The following C16orf74 variants were observed in gnomAD, a reference collection of about 807,000 sequenced individuals.
C16orf74 encodes uncharacterized protein C16orf74.
C16orf74 carries 10 observed loss-of-function variants against 6.5 expected under a neutral mutation model. The observed-to-expected ratio is 1.54, with a 90% CI of 0.95 to 2.61. C16orf74 has a LOEUF of 2.61. Among genes scored for constraint, C16orf74 ranks in the 30% most tolerant of loss-of-function variants. The pLI, the probability that C16orf74 is intolerant of heterozygous loss-of-function variation, is 0.00. For missense variants in C16orf74, 141 were observed against 105.9 expected (o/e 1.33, Z -1.45); for synonymous variants, 60 against 42.5 (o/e 1.41, Z -1.60).
chr16:85,739,619 C>A (rs399955), intron 1 of C16orf74, among the ~76,000 whole-genome samples: 2 of 151,388 alleles, frequency 1.3e-5, no homozygotes, highest in African/African-American at 4.9e-5. Flanking sequence ...GGCAACATGG[C>A]GAAACCCCAT....
chr16:85,742,494 C>T (rs55884883), intron 1 of C16orf74, among the ~76,000 whole-genome samples: 27,470 of 152,166 alleles, frequency 0.18, 2,817 homozygotes, highest in Middle Eastern at 0.29. Context: ...AGGCCCTCAC[C>T]ATCCTGGCGC....
intron 2 of C16orf74, among the ~76,000 whole-genome samples, chr16:85,714,087 C>G (rs1187941658): frequency 6.6e-6 from 1 of 152,192 alleles, no homozygotes; most frequent in Non-Finnish European, 1.5e-5. Flanking sequence ...GCCCCCGCCC[C>G]ACTTCTGTTA....
intron 2 of C16orf74, among the ~76,000 whole-genome samples, chr16:85,733,461 GA>G (rs199599006): frequency 1.1e-3 from 170 of 152,328 alleles, no homozygotes; most frequent in African/African-American, 3.9e-3. Flanking sequence ...CCTTCATTCT[GA>G]AGACGGGTGG....
chr16:85,739,068 G>A (rs542606201), intron 1 of C16orf74, among the ~76,000 whole-genome samples: 1 of 152,190 alleles, frequency 6.6e-6, no homozygotes, highest in Non-Finnish European at 1.5e-5. Context: ...GGGGAGGGCG[G>A]AGCAGACCTC....
At chr16:85,733,203 T>G (rs2054208989) in intron 2 of C16orf74, among the ~76,000 whole-genome samples, 1 of 152,190 alleles carries the variant, frequency 6.6e-6, no homozygotes, top group Non-Finnish European at 1.5e-5. Context: ...GTCCACATGG[T>G]GGAATATTAT....
chr16:85,729,381 C>A (rs9928768), intron 2 of C16orf74, among the ~76,000 whole-genome samples: 5,546 of 152,342 alleles, frequency 0.036, 254 homozygotes, highest in Admixed American at 0.15. Context: ...AGGGACTCTG[C>A]AGCCCCTTTC....
chr16:85,735,044 A>T, intron 2 of C16orf74, 146 bp downstream of exon 2: 1 of 525,430 alleles, frequency 1.9e-6, no homozygotes. Context: ...GCATTTTTAG[A>T]GCACCTGCTG....
intron 1 of C16orf74, among the ~76,000 whole-genome samples, chr16:85,735,756 C>CA (rs397751905): frequency 5.9e-5 from 9 of 151,874 alleles, no homozygotes; most frequent in Non-Finnish European, 1.0e-4. Flanking sequence ...TGTGGCCCCC[C>CA]CAGCCCACGG....
intron 1 of C16orf74, among the ~76,000 whole-genome samples, chr16:85,740,690 TCAAA>T (rs2054296039): frequency 5.0e-5 from 1 of 20,160 alleles, no homozygotes. Flanking sequence ...AGACTCTGTT[TCAAA>T]AAAAAAAAAA....
intron 2 of C16orf74, among the ~76,000 whole-genome samples, chr16:85,715,312 G>A (rs1057046581): frequency 1.3e-3 from 205 of 152,270 alleles, no homozygotes; most frequent in African/African-American, 4.6e-3. Flanking sequence ...ACAATCTACT[G>A]GGGCCGAGGC....
intron 2 of C16orf74, among the ~76,000 whole-genome samples, chr16:85,717,999 C>T (rs2054042108): frequency 1.3e-5 from 2 of 152,370 alleles, no homozygotes; most frequent in South Asian, 4.1e-4. Flanking sequence ...TCCCGGCCGC[C>T]CAGAGGTCAC....
At chr16:85,714,488 C>T (rs1280709393) in intron 2 of C16orf74, among the ~76,000 whole-genome samples, 1 of 151,790 alleles carries the variant, frequency 6.6e-6, no homozygotes, top group African/African-American at 2.4e-5. Context: ...AGCGTGATCT[C>T]GACTCACTGC....
chr16:85,725,496 G>A (rs549690493), intron 2 of C16orf74, among the ~76,000 whole-genome samples: 1 of 152,324 alleles, frequency 6.6e-6, no homozygotes, highest in Non-Finnish European at 1.5e-5. Context: ...TGGGGAATGG[G>A]CAGTGGCTGC....
chr16:85,712,717 T>C (rs1393003824), intron 2 of C16orf74, among the ~76,000 whole-genome samples: 1 of 152,246 alleles, frequency 6.6e-6, no homozygotes. Flanking sequence ...TGACCCTGCG[T>C]GCACTGCACC....
intron 1 of C16orf74, among the ~76,000 whole-genome samples, chr16:85,748,883 T>A (rs531356358): frequency 6.6e-6 from 1 of 151,868 alleles, no homozygotes; most frequent in Non-Finnish European, 1.5e-5. Context: ...GGAATGCCCT[T>A]AGCCAAGGGG....
chr16:85,743,073 G>C (rs1430856854), intron 1 of C16orf74, among the ~76,000 whole-genome samples: 1 of 152,158 alleles, frequency 6.6e-6, no homozygotes, highest in Non-Finnish European at 1.5e-5. Flanking sequence ...TGTTGTGTTG[G>C]GGGTGAATTT....
intron 1 of C16orf74, among the ~76,000 whole-genome samples, chr16:85,747,418 C>G (rs1220134342): frequency 2.0e-5 from 3 of 152,034 alleles, no homozygotes; most frequent in Non-Finnish European, 4.4e-5. Context: ...TGCCACTGCA[C>G]TCCAGCCTGG....
At chr16:85,722,573 G>A (rs1166680424) in intron 2 of C16orf74, among the ~76,000 whole-genome samples, 1 of 152,238 alleles carries the variant, frequency 6.6e-6, no homozygotes, top group Non-Finnish European at 1.5e-5. Context: ...GGGGAGTCCT[G>A]GCTCCCGCTG....
At chr16:85,735,964 G>C (rs1441296329) in intron 1 of C16orf74, among the ~76,000 whole-genome samples, 1 of 152,160 alleles carries the variant, frequency 6.6e-6, no homozygotes, top group East Asian at 1.9e-4. Context: ...AGGGCTCAGA[G>C]AGGTGGCGGC....
Sources: allele counts gnomAD v4.1 joint callset (sites outside exome capture counted in the v4.1 genomes callset), GRCh38; gene constraint gnomAD v4.1.1; transcripts MANE v1.5; gene names NCBI Gene and HGNC (gene_info 2026-07-23, HGNC 2026-07-21).